GNB1: variants seen among roughly 807,000 people sequenced by gnomAD.
The protein encoded by GNB1 is G protein subunit beta 1.
A neutral mutation model predicts 42.9 loss-of-function variants in GNB1; 2 were observed. The observed-to-expected ratio is 0.05, with a 90% CI of 0.02 to 0.15. GNB1 has a LOEUF of 0.15. Among genes scored for constraint, GNB1 ranks in the 10% least tolerant of loss-of-function variants. GNB1 has a pLI of 1.00. For synonymous variants in GNB1, 183 were observed against 174.7 expected (o/e 1.05, Z -0.38); for missense variants, 193 against 462.2 (o/e 0.42, Z 5.34).
chr1:1,831,135 A>C (rs539267133), intron 2 of GNB1, among the ~76,000 whole-genome samples: 1 of 152,294 alleles, frequency 6.6e-6, no homozygotes, highest in South Asian at 2.1e-4. Flanking sequence ...ACTGCACTCC[A>C]GCCTGGGTGA....
chr1:1,885,703 C>A (rs1269280143), intron 1 of GNB1, among the ~76,000 whole-genome samples: 10 of 150,584 alleles, frequency 6.6e-5, no homozygotes, highest in African/African-American at 2.4e-4. Context: ...ACTACAGGCG[C>A]CCGCCACCAC....
chr1:1,824,831 C>T (rs1011249123), intron 3 of GNB1, among the ~76,000 whole-genome samples: 7 of 152,138 alleles, frequency 4.6e-5, no homozygotes. Context: ...GCCTTGGCCT[C>T]CCAAACTGCT....
At chr1:1,825,284 A>C in intron 3 of GNB1, 113 bp downstream of exon 3, 1 of 772,330 alleles carries the variant, frequency 1.3e-6, no homozygotes, top group Non-Finnish European at 2.3e-6. Flanking sequence ...ACTAAGATTC[A>C]ATTTCATATA....
intron 2 of GNB1, among the ~76,000 whole-genome samples, chr1:1,829,895 C>T (rs1220224072): frequency 6.6e-6 from 1 of 152,000 alleles, no homozygotes; most frequent in South Asian, 2.1e-4. Context: ...CATGCCACCA[C>T]AACCGGCTAA....
intron 2 of GNB1, among the ~76,000 whole-genome samples, chr1:1,837,818 C>T (rs1647173298): frequency 6.6e-6 from 1 of 151,926 alleles, no homozygotes; most frequent in Non-Finnish European, 1.5e-5. Flanking sequence ...CCACCTTGGC[C>T]TCCCAAAATG....
intron 10 of GNB1, chr1:1,788,526 G>A (rs1646437216): frequency 6.4e-6 from 1 of 155,206 alleles, no homozygotes; most frequent in South Asian, 2.0e-4. Context: ...GGAAGCCCCG[G>A]TAAGGGCCAA....
chr1:1,873,958 C>G (rs899237405), intron 1 of GNB1, among the ~76,000 whole-genome samples: 1 of 152,178 alleles, frequency 6.6e-6, no homozygotes, highest in Non-Finnish European at 1.5e-5. Context: ...GAACGCATAC[C>G]TGCCTCTAGG....
At chr1:1,811,413 G>C (rs1048597551) in intron 5 of GNB1, among the ~76,000 whole-genome samples, 5 of 151,992 alleles carry the variant, frequency 3.3e-5, no homozygotes, top group African/African-American at 1.2e-4. Context: ...AGACAAACTA[G>C]GCCGGGCACA....
intron 4 of GNB1, among the ~76,000 whole-genome samples, chr1:1,816,229 C>G (rs1046515685): frequency 6.6e-6 from 1 of 152,134 alleles, no homozygotes; most frequent in African/African-American, 2.4e-5. Flanking sequence ...CTTATGACAC[C>G]ACACAGATGT....
At chr1:1,823,032 G>A (rs1047846395) in intron 3 of GNB1, among the ~76,000 whole-genome samples, 1 of 151,858 alleles carries the variant, frequency 6.6e-6, no homozygotes, top group African/African-American at 2.4e-5. Context: ...CACGAGGTCA[G>A]GAGATCGAGA....
In GNB1 at chr1:1,791,146, C is replaced by A. The variant is rs3737626; in HGVS notation, c.498-550G>T. ...CCTGGAATCACAAACAGGAGAGCAG[C>A]TGAGTTCTCAGTGATCACACCTGGT... On this transcript the variant is annotated intron_variant, in intron 8 of 11. Coordinates refer to ENST00000378609, the MANE Select transcript of GNB1 (RefSeq NM_002074.5). Among the ~76,000 whole-genome samples the A allele has an allele frequency of 1.7e-3, 265 of 151,498 alleles. 5 individuals carry two copies. The East Asian group carries it at 0.044, about 25-fold the overall frequency.
chr1:1,852,176 G>A (rs1042372319), intron 1 of GNB1, among the ~76,000 whole-genome samples: 2 of 152,088 alleles, frequency 1.3e-5, no homozygotes, highest in African/African-American at 2.4e-5. Context: ...ACCAGGGGGC[G>A]ATCACTTGAG....
intron 5 of GNB1, among the ~76,000 whole-genome samples, chr1:1,812,646 TC>T (rs1646798035): frequency 6.6e-6 from 1 of 152,190 alleles, no homozygotes. Flanking sequence ...CACCCCAGCC[TC>T]CCACAGGCCT....
intron 3 of GNB1, among the ~76,000 whole-genome samples, chr1:1,824,666 G>A (rs1376171681): frequency 1.3e-5 from 2 of 151,872 alleles, no homozygotes; most frequent in Non-Finnish European, 1.5e-5. Flanking sequence ...TCTGCCTCCC[G>A]GGTTCAAGGG....
At chr1:1,838,173 G>A (rs190406200) in intron 2 of GNB1, among the ~76,000 whole-genome samples, 16 of 152,084 alleles carry the variant, frequency 1.1e-4, no homozygotes, top group East Asian at 5.9e-4. Context: ...ACTGCACTTC[G>A]GCCTGGGCAA....
intron 2 of GNB1, among the ~76,000 whole-genome samples, chr1:1,828,758 G>A (rs907003715): frequency 3.3e-5 from 5 of 152,062 alleles, no homozygotes; most frequent in Non-Finnish European, 7.4e-5. Context: ...TTAAAAAGGC[G>A]TATTCCTGGC....
At chr1:1,837,152 G>A (rs979252400) in intron 2 of GNB1, among the ~76,000 whole-genome samples, 6 of 151,690 alleles carry the variant, frequency 4.0e-5, no homozygotes, top group African/African-American at 9.7e-5. Context: ...TTTCTTTTAC[G>A]CATTCTATCT....
At chr1:1,804,256 G>A (rs988528627) in intron 7 of GNB1, among the ~76,000 whole-genome samples, 163 bp downstream of exon 7, 3 of 151,970 alleles carry the variant, frequency 2.0e-5, no homozygotes, top group African/African-American at 4.8e-5. Flanking sequence ...CCGAGATCAC[G>A]CCACCGCACT....
intron 1 of GNB1, among the ~76,000 whole-genome samples, chr1:1,889,391 CTATT>C (rs1164362474): frequency 6.6e-6 from 1 of 152,242 alleles, no homozygotes; most frequent in South Asian, 2.1e-4. Context: ...CATTTCTACA[CTATT>C]TACCCATAAG....
Sources: gnomAD v4.1 joint callset for allele counts (sites outside exome capture counted in the v4.1 genomes callset) on GRCh38, gnomAD v4.1.1 for gene constraint, MANE v1.5 for transcripts, NCBI Gene and HGNC (gene_info 2026-07-23, HGNC 2026-07-21) for gene names.